The following ZMAT4 variants were observed in gnomAD, a reference collection of about 807,000 sequenced individuals.
ZMAT4 encodes zinc finger matrin-type protein 4.
ZMAT4 carries 17 observed loss-of-function variants against 28.7 expected under a neutral mutation model. The ratio of observed to expected loss-of-function variants is 0.59; its 90% CI spans 0.41 to 0.89. The LOEUF (loss-of-function observed/expected upper bound fraction) is 0.89, where lower values mean the gene tolerates loss of function less well. Among genes scored for constraint, ZMAT4 ranks in the 40% least tolerant of loss-of-function variants. The pLI is 0.00. For synonymous variants in ZMAT4, 117 were observed against 109.2 expected, an observed-to-expected ratio of 1.07 and a Z score of -0.44; for missense variants, 240 against 283.8, an observed-to-expected ratio of 0.85 and a Z score of 1.11.
chr8:40,633,642 T>C (rs1393213951), intron 5 of ZMAT4, among the ~76,000 whole-genome samples: 2 of 152,044 alleles, frequency 1.3e-5, no homozygotes, highest in African/African-American at 4.8e-5. Flanking sequence ...AGCCATGAGG[T>C]TGAGCTTTTT....
At chr8:40,833,002 G>C (rs1369250795) in intron 1 of ZMAT4, among the ~76,000 whole-genome samples, 1 of 152,134 alleles carries the variant, frequency 6.6e-6, no homozygotes, top group African/African-American at 2.4e-5. Flanking sequence ...CCTTTCCCCT[G>C]CCACTGTCCT....
At chr8:40,727,565 A>G (rs1409394462) in intron 3 of ZMAT4, among the ~76,000 whole-genome samples, 1 of 152,224 alleles carries the variant, frequency 6.6e-6, no homozygotes. Context: ...GCCAGAAGGA[A>G]AAAGGAGAAG....
chr8:40,790,798 T>G (rs1249032406), intron 2 of ZMAT4, among the ~76,000 whole-genome samples: 2 of 152,212 alleles, frequency 1.3e-5, no homozygotes, highest in Admixed American at 6.5e-5. Flanking sequence ...ACAATGCATT[T>G]GAACATGCAA....
At chr8:40,845,347 T>C (rs934186495) in intron 1 of ZMAT4, among the ~76,000 whole-genome samples, 15 of 152,166 alleles carry the variant, frequency 9.9e-5, no homozygotes, top group Non-Finnish European at 1.0e-4. Context: ...TATTTCAAGA[T>C]TTGACAGTCT....
At chr8:40,770,183 T>C (rs1328568336) in intron 2 of ZMAT4, among the ~76,000 whole-genome samples, 1 of 152,140 alleles carries the variant, frequency 6.6e-6, no homozygotes, top group Non-Finnish European at 1.5e-5. Context: ...CAGCATTCCT[T>C]TTCCCTGGGC....
At chr8:40,808,812 C>T (rs1341247083) in intron 2 of ZMAT4, among the ~76,000 whole-genome samples, 2 of 150,926 alleles carry the variant, frequency 1.3e-5, no homozygotes, top group African/African-American at 4.9e-5. Context: ...GTTAAAAACT[C>T]GCCTCTGGTA....
At chr8:40,569,461 A>C (rs898672094) in intron 6 of ZMAT4, among the ~76,000 whole-genome samples, 1 of 152,202 alleles carries the variant, frequency 6.6e-6, no homozygotes, top group African/African-American at 2.4e-5. Context: ...GGTGAAATGT[A>C]TGAGAAGGCA....
At chr8:40,577,057 T>C (rs1057182678) in intron 6 of ZMAT4, among the ~76,000 whole-genome samples, 4 of 151,856 alleles carry the variant, frequency 2.6e-5, no homozygotes, top group Non-Finnish European at 5.9e-5. Flanking sequence ...AGCCAGGCAT[T>C]ATGGTGGATG....
intron 2 of ZMAT4, among the ~76,000 whole-genome samples, chr8:40,791,285 C>A (rs1231265264): frequency 6.6e-6 from 1 of 152,110 alleles, no homozygotes; most frequent in African/African-American, 2.4e-5. Context: ...TGACCAGGTT[C>A]CAAAATCATG....
intron 1 of ZMAT4, among the ~76,000 whole-genome samples, chr8:40,842,328 C>G (rs563527027): frequency 5.9e-5 from 9 of 152,356 alleles, no homozygotes; most frequent in African/African-American, 2.2e-4. Context: ...TTCCGGACTC[C>G]AAATCCGGGG....
intron 1 of ZMAT4, among the ~76,000 whole-genome samples, chr8:40,889,950 C>A (rs906135524): frequency 6.6e-6 from 1 of 152,202 alleles, no homozygotes; most frequent in African/African-American, 2.4e-5. Context: ...TTTCACATAT[C>A]CACCAGCTAA....
chr8:40,835,321 C>G (rs182609211), intron 1 of ZMAT4, among the ~76,000 whole-genome samples: 5 of 152,136 alleles, frequency 3.3e-5, no homozygotes, highest in African/African-American at 1.2e-4. Flanking sequence ...TGTTTCCTGT[C>G]GCTCATTCCA....
chr8:40,667,229 C>T (rs1808454929), intron 5 of ZMAT4, among the ~76,000 whole-genome samples: 1 of 151,852 alleles, frequency 6.6e-6, no homozygotes, highest in African/African-American at 2.4e-5. Context: ...AATCTCTGCT[C>T]ACTGCAAGTT....
At chr8:40,690,551 A>C (rs537656422) in intron 4 of ZMAT4, among the ~76,000 whole-genome samples, 6 of 152,346 alleles carry the variant, frequency 3.9e-5, no homozygotes, top group Middle Eastern at 3.4e-3. Context: ...TAAAGCAAGC[A>C]TCTAGACAGA....
At chr8:40,877,909 G>A (rs914444861) in intron 1 of ZMAT4, among the ~76,000 whole-genome samples, 8 of 152,178 alleles carry the variant, frequency 5.3e-5, no homozygotes, top group African/African-American at 1.7e-4. Context: ...AAAGCAGGGA[G>A]AGGGAACCCA....
chr8:40,555,959 T>G (rs548817257), intron 6 of ZMAT4, among the ~76,000 whole-genome samples: 21 of 152,292 alleles, frequency 1.4e-4, no homozygotes, highest in Middle Eastern at 3.4e-3. Flanking sequence ...GCAGATGGTA[T>G]TTGGACTTTA....
chr8:40,691,870 A>T (rs201164942), intron 4 of ZMAT4, among the ~76,000 whole-genome samples: 2 of 152,296 alleles, frequency 1.3e-5, no homozygotes, highest in Middle Eastern at 3.4e-3. Context: ...GTCTGACTTC[A>T]CAGCCTCTGT....
intron 3 of ZMAT4, among the ~76,000 whole-genome samples, chr8:40,718,989 T>A (rs1810967895): frequency 6.6e-6 from 1 of 152,180 alleles, no homozygotes; most frequent in African/African-American, 2.4e-5. Flanking sequence ...AACTAAATGA[T>A]CAAGTCCAAT....
intron 4 of ZMAT4, among the ~76,000 whole-genome samples, chr8:40,684,370 C>T (rs979981869): frequency 1.3e-5 from 2 of 152,144 alleles, no homozygotes; most frequent in African/African-American, 2.4e-5. Context: ...AAATGGACAA[C>T]GTGGGCTTCC....
Sources: gnomAD v4.1 joint callset for allele counts (sites outside exome capture counted in the v4.1 genomes callset) on GRCh38, gnomAD v4.1.1 for gene constraint, MANE v1.5 for transcripts, NCBI Gene and HGNC (gene_info 2026-07-23, HGNC 2026-07-21) for gene names.